ATP8A2: variants seen among roughly 807,000 people sequenced by gnomAD.
ATP8A2 encodes phospholipid-transporting ATPase IB.
A neutral mutation model predicts 165.6 loss-of-function variants in ATP8A2; 100 were observed. That is an observed-to-expected ratio of 0.60 (90% confidence interval 0.51 to 0.71). The LOEUF (loss-of-function observed/expected upper bound fraction) is 0.71. Among genes scored for constraint, ATP8A2 ranks in the 30% least tolerant of loss-of-function variants. The probability of loss-of-function intolerance (pLI) is 0.00; values close to 1 mark genes in which losing one functional copy is unlikely to be tolerated. For synonymous variants in ATP8A2, 543 were observed against 548.8 expected, an observed-to-expected ratio of 0.99 and a Z score of 0.15; for missense variants, 1,227 against 1,479.5, an observed-to-expected ratio of 0.83 and a Z score of 2.80.
At chr13:25,593,676 G>A (rs2040156090) in intron 24 of ATP8A2, among the ~76,000 whole-genome samples, 1 of 152,210 alleles carries the variant, frequency 6.6e-6, no homozygotes, top group African/African-American at 2.4e-5. Context: ...TGGTCTGAGA[G>A]GAATGGGTAG....
At chr13:25,537,605 C>T (rs981413395) in intron 6 of ATP8A2, among the ~76,000 whole-genome samples, 1 of 152,028 alleles carries the variant, frequency 6.6e-6, no homozygotes. Context: ...GGGATTGAGC[C>T]CAGGCTTTAG....
chr13:25,539,547 T>G (rs1024873047), intron 7 of ATP8A2, among the ~76,000 whole-genome samples: 3 of 152,098 alleles, frequency 2.0e-5, no homozygotes, highest in Admixed American at 6.6e-5. Flanking sequence ...CACTTAATCT[T>G]CCCAATAACC....
chr13:25,664,134 G>T (rs1466496608), intron 24 of ATP8A2, among the ~76,000 whole-genome samples: 1 of 152,108 alleles, frequency 6.6e-6, no homozygotes, highest in Admixed American at 6.5e-5. Context: ...GCCTGAGTCT[G>T]GGAGGGCAAC....
chr13:25,934,233 T>C (rs1361039706), intron 33 of ATP8A2, among the ~76,000 whole-genome samples: 1 of 152,218 alleles, frequency 6.6e-6, no homozygotes. Context: ...TATGTACGGG[T>C]AGGCTGTGTA....
intron 35 of ATP8A2, among the ~76,000 whole-genome samples, chr13:25,993,910 T>C (rs1227401255): frequency 6.6e-6 from 1 of 152,222 alleles, no homozygotes; most frequent in East Asian, 1.9e-4. Flanking sequence ...GCTTTAAATC[T>C]GTATATCAAT....
intron 27 of ATP8A2, among the ~76,000 whole-genome samples, chr13:25,787,655 G>A (rs1349320392): frequency 6.6e-6 from 1 of 152,226 alleles, no homozygotes; most frequent in Non-Finnish European, 1.5e-5. Flanking sequence ...GGTTACATGT[G>A]GGAAAAGTCA....
intron 1 of ATP8A2, among the ~76,000 whole-genome samples, chr13:25,382,910 C>T (rs1334235251): frequency 6.6e-6 from 1 of 151,634 alleles, no homozygotes; most frequent in Non-Finnish European, 1.5e-5. Flanking sequence ...TGCCCGCCAC[C>T]ATGCCCAGCT....
intron 20 of ATP8A2, among the ~76,000 whole-genome samples, chr13:25,578,381 G>A (rs1414055711): frequency 1.3e-5 from 2 of 152,166 alleles, no homozygotes; most frequent in Non-Finnish European, 2.9e-5. Flanking sequence ...TGAGTTCAGC[G>A]CCCAATGGGT....
At chr13:25,408,627 G>A (rs1354703784) in intron 1 of ATP8A2, among the ~76,000 whole-genome samples, 16 of 151,754 alleles carry the variant, frequency 1.1e-4, no homozygotes, top group Admixed American at 7.9e-4. Context: ...TTGTAGTAAT[G>A]TCTTATTAAT....
chr13:25,776,674 A>G (rs182035091), intron 27 of ATP8A2, among the ~76,000 whole-genome samples: 1 of 152,102 alleles, frequency 6.6e-6, no homozygotes, highest in Admixed American at 6.6e-5. Context: ...TCACTCCTCA[A>G]CGTCACTCAA....
At chr13:25,860,370 A>AAATGTATTT in intron 31 of ATP8A2, 114 bp downstream of exon 31, 8 of 600,672 alleles carry the variant, frequency 1.3e-5, no homozygotes, top group Non-Finnish European at 2.3e-5. Flanking sequence ...CAAATCTTCA[A>AAATGTATTT]AATGTATTTT....
intron 1 of ATP8A2, among the ~76,000 whole-genome samples, chr13:25,388,870 T>C (rs1358316755): frequency 6.6e-6 from 1 of 152,032 alleles, no homozygotes; most frequent in African/African-American, 2.4e-5. Flanking sequence ...AAACACAGGC[T>C]GAAGGAAATG....
intron 11 of ATP8A2, 66 bp from the exon 12 acceptor site, chr13:25,553,727 A>T: frequency 6.7e-7 from 1 of 1,499,952 alleles, no homozygotes; most frequent in Non-Finnish European, 9.1e-7. Context: ...TTTAACATGA[A>T]TCTCTAAATG....
intron 24 of ATP8A2, among the ~76,000 whole-genome samples, chr13:25,695,416 A>G (rs150684562): frequency 0.011 from 1,719 of 152,296 alleles, 10 homozygotes; most frequent in Admixed American, 0.024. Context: ...TAAGACAACA[A>G]TAAAGTTTGC....
At chr13:25,520,750 C>T (rs532758583) in intron 2 of ATP8A2, among the ~76,000 whole-genome samples, 198 of 151,534 alleles carry the variant, frequency 1.3e-3, no homozygotes, top group African/African-American at 4.6e-3. Context: ...TACAGGTGCC[C>T]GCCACCACAC....
chr13:25,447,608 C>T (rs1566139886), intron 1 of ATP8A2, among the ~76,000 whole-genome samples: 1 of 152,146 alleles, frequency 6.6e-6, no homozygotes, highest in East Asian at 1.9e-4. Context: ...CTCTGGAGCA[C>T]CAGAGGGCGT....
At chr13:25,482,987 G>A (rs1566172061) in intron 2 of ATP8A2, among the ~76,000 whole-genome samples, 1 of 152,224 alleles carries the variant, frequency 6.6e-6, no homozygotes, top group Non-Finnish European at 1.5e-5. Context: ...GATGGACAAA[G>A]TGCTGTGAAA....
At chr13:26,000,746 C>A (rs9512015) in intron 35 of ATP8A2, among the ~76,000 whole-genome samples, 40,709 of 150,966 alleles carry the variant, frequency 0.27, 5,574 homozygotes, top group Non-Finnish European at 0.3. Context: ...CAATACCCCC[C>A]ACCATGGGAA....
intron 6 of ATP8A2, among the ~76,000 whole-genome samples, chr13:25,534,020 G>A (rs540145116): frequency 6.6e-6 from 1 of 152,274 alleles, no homozygotes; most frequent in African/African-American, 2.4e-5. Context: ...AAAGAAAACA[G>A]CTTTTTAGAA....
Sources: gnomAD v4.1 joint callset for allele counts (sites outside exome capture counted in the v4.1 genomes callset) on GRCh38, gnomAD v4.1.1 for gene constraint, MANE v1.5 for transcripts, NCBI Gene and HGNC (gene_info 2026-07-23, HGNC 2026-07-21) for gene names.